The following RBFOX1 variants were observed in gnomAD, a reference collection of about 807,000 sequenced individuals.
RBFOX1 encodes RNA binding protein fox-1 homolog 1.
In RBFOX1, 8 loss-of-function variants were observed where a neutral mutation model predicts 57.7. The observed-to-expected ratio is 0.14, with a 90% CI of 0.08 to 0.25. The LOEUF is 0.25. RBFOX1 is among the 10% of genes least tolerant of loss of function. RBFOX1 has a pLI of 1.00. For synonymous variants in RBFOX1, 326 were observed against 222.4 expected (o/e 1.47, Z -4.15); for missense variants, 611 against 548.5 (o/e 1.11, Z -1.14).
At chr16:7,612,658 C>T (rs7190951) in intron 10 of RBFOX1, among the ~76,000 whole-genome samples, 83,661 of 151,808 alleles carry the variant, frequency 0.55, 24,690 homozygotes, top group East Asian at 0.83. Flanking sequence ...GAGATAATCA[C>T]GATATCCAGC....
chr16:6,263,987 T>C (rs1379871712), intron 1 of RBFOX1, among the ~76,000 whole-genome samples: 1 of 152,208 alleles, frequency 6.6e-6, no homozygotes, highest in Non-Finnish European at 1.5e-5. Flanking sequence ...TAAAACATTT[T>C]TTTTTAAGGA....
rs200951788 is a variant in RBFOX1, at chr16:6,547,516, TTTG to T, written c.-63-107075_-63-107073del. Among the ~76,000 whole-genome samples the T allele has an allele frequency of 1.4e-4, 21 of 152,308 alleles. No homozygotes were observed. The East Asian group carries it at 2.9e-3, about 21-fold the overall frequency. On this transcript the variant is annotated intron_variant, in intron 2 of 15. Transcript: ENST00000550418. ...GAACAGACAAATTGTGGTTCTTTTTTTTGTTGTTGTTGTTATTGAGATATTCAT... is the reference window on the plus strand; with the variant it reads ...GAACAGACAAATTGTGGTTCTTTTTTTTGTTGTTGTTATTGAGATATTCAT...
intron 2 of RBFOX1, among the ~76,000 whole-genome samples, chr16:6,410,022 G>C (rs891602861): frequency 1.3e-5 from 2 of 152,070 alleles, no homozygotes; most frequent in Non-Finnish European, 2.9e-5. Context: ...TCCTCTACGA[G>C]GCAAAGGTGA....
At position 6,231,851 on chromosome 16, in the gene RBFOX1, T is replaced by TCC. The variant is rs1470424091; in HGVS notation, c.-126-85144_-126-85143insCC. Among the ~76,000 whole-genome samples the TCC allele has an allele frequency of 2.9e-5, 3 of 102,018 alleles. No homozygotes were observed. In the East Asian group the frequency reaches 9.2e-4, roughly 31 times the overall value. The allele number at this position is 102,018 out of a possible 152,430, so 66.9% of individuals were successfully genotyped here. On this transcript the variant is annotated intron_variant, in intron 1 of 15. Coordinates refer to ENST00000550418, the MANE Select transcript of RBFOX1 (RefSeq NM_018723.4). Reference sequence around the variant, plus strand: ...TTCCAGTTTTTTTTTTTTTTTTTTTTTGTCCTGGTATTTTAAAAATGCAGC... The same window carrying TCC: ...TTCCAGTTTTTTTTTTTTTTTTTTTTCCTGTCCTGGTATTTTAAAAATGCAGC...
chr16:7,444,305 C>G (rs895822540), intron 4 of RBFOX1, among the ~76,000 whole-genome samples: 2 of 151,986 alleles, frequency 1.3e-5, no homozygotes, highest in Admixed American at 6.6e-5. Context: ...AACAGAGTCC[C>G]TAGGATTGTG....
intron 3 of RBFOX1, among the ~76,000 whole-genome samples, chr16:6,894,724 A>C (rs2066339050): frequency 6.6e-6 from 1 of 152,222 alleles, no homozygotes; most frequent in Non-Finnish European, 1.5e-5. Flanking sequence ...TTTTGTAAAA[A>C]GGTTACCAAC....
At chr16:6,860,702 C>G (rs936784275) in intron 3 of RBFOX1, among the ~76,000 whole-genome samples, 2 of 151,994 alleles carry the variant, frequency 1.3e-5, no homozygotes, top group Non-Finnish European at 2.9e-5. Context: ...TCTGGTGTGT[C>G]ATGTTAAAAT....
chr16:5,976,614 G>A (rs2060068045), intron 4 of RBFOX1, among the ~76,000 whole-genome samples: 1 of 152,070 alleles, frequency 6.6e-6, no homozygotes, highest in Non-Finnish European at 1.5e-5. Flanking sequence ...CATACCTGCA[G>A]TCCCAGGACT....
chr16:7,362,541 G>C (rs1341242297), intron 4 of RBFOX1, among the ~76,000 whole-genome samples: 2 of 151,850 alleles, frequency 1.3e-5, no homozygotes, highest in Admixed American at 6.6e-5. Flanking sequence ...TCAGTGTGTA[G>C]ATGTTAGTGT....
At chr16:6,681,009 A>C (rs554323730) in intron 3 of RBFOX1, among the ~76,000 whole-genome samples, 60 of 152,290 alleles carry the variant, frequency 3.9e-4, no homozygotes, top group African/African-American at 1.4e-3. Flanking sequence ...CTGGTCTCAA[A>C]GTAAGTAGAA....
chr16:6,820,879 T>G (rs965050081), intron 3 of RBFOX1, among the ~76,000 whole-genome samples: 2 of 152,184 alleles, frequency 1.3e-5, no homozygotes, highest in Non-Finnish European at 2.9e-5. Context: ...TGTTGCTGTT[T>G]TTCATCCTTT....
intron 1 of RBFOX1, among the ~76,000 whole-genome samples, chr16:6,094,797 C>T (rs2096224106): frequency 6.6e-6 from 1 of 152,184 alleles, no homozygotes; most frequent in Non-Finnish European, 1.5e-5. Context: ...GCCATGGTGG[C>T]TCACGCCTGT....
intron 3 of RBFOX1, among the ~76,000 whole-genome samples, chr16:5,665,200 C>A (rs1370081400): frequency 6.6e-6 from 1 of 151,876 alleles, no homozygotes; most frequent in East Asian, 1.9e-4. Context: ...ATCCTCCCAC[C>A]TTAGTCTTCA....
chr16:7,557,648 A>AC (rs2089065869), intron 5 of RBFOX1, among the ~76,000 whole-genome samples: 1 of 96,530 alleles, frequency 1.0e-5, no homozygotes, highest in African/African-American at 3.3e-5. Context: ...AAAAAGAAAA[A>AC]GAAAAAAAAA....
At chr16:5,911,880 G>T (rs2058610348) in intron 4 of RBFOX1, among the ~76,000 whole-genome samples, 1 of 152,126 alleles carries the variant, frequency 6.6e-6, no homozygotes, top group Non-Finnish European at 1.5e-5. Flanking sequence ...CCTCCCTAAA[G>T]CCCGAACTCT....
At chr16:6,726,554 A>C (rs1470332290) in intron 3 of RBFOX1, among the ~76,000 whole-genome samples, 1 of 152,142 alleles carries the variant, frequency 6.6e-6, no homozygotes, top group African/African-American at 2.4e-5. Context: ...CTTGTGAACA[A>C]TGAGAGAAGG....
At chr16:5,550,179 G>A (rs549835451) in intron 2 of RBFOX1, among the ~76,000 whole-genome samples, 1 of 152,272 alleles carries the variant, frequency 6.6e-6, no homozygotes, top group African/African-American at 2.4e-5. Context: ...GTTGCGAGAG[G>A]GGCTGTGTGG....
chr16:5,468,691 A>C (rs139020147), intron 2 of RBFOX1, among the ~76,000 whole-genome samples: 3 of 152,350 alleles, frequency 2.0e-5, no homozygotes, highest in African/African-American at 7.2e-5. Context: ...GCAGTGGAAT[A>C]TTATACAGCC....
intron 1 of RBFOX1, among the ~76,000 whole-genome samples, chr16:6,281,313 G>A (rs1311172475): frequency 9.2e-5 from 14 of 152,100 alleles, no homozygotes; most frequent in Admixed American, 9.2e-4. Context: ...ATTTTTCAGA[G>A]GAGGAAGATG....
Sources: gnomAD v4.1 joint callset for allele counts (sites outside exome capture counted in the v4.1 genomes callset) on GRCh38, gnomAD v4.1.1 for gene constraint, MANE v1.5 for transcripts, NCBI Gene and HGNC (gene_info 2026-07-23, HGNC 2026-07-21) for gene names.